WWOX: variants seen among roughly 807,000 people sequenced by gnomAD.
WWOX encodes WW domain containing oxidoreductase, also known as WW domain-containing oxidoreductase.
WWOX carries 69 observed loss-of-function variants against 46.2 expected under a neutral mutation model. The observed-to-expected ratio is 1.49, with a 90% CI of 1.23 to 1.82. The LOEUF (loss-of-function observed/expected upper bound fraction) is 1.82. Ranked by LOEUF, WWOX falls within the 40% of genes most tolerant of loss-of-function variation. The pLI is 0.00. For missense variants in WWOX, 919 were observed against 542.6 expected, an observed-to-expected ratio of 1.69 and a Z score of -6.89; for synonymous variants, 359 against 202.6, an observed-to-expected ratio of 1.77 and a Z score of -6.56.
chr16:78,928,258 A>G (rs1432438392), intron 8 of WWOX, among the ~76,000 whole-genome samples: 2 of 143,180 alleles, frequency 1.4e-5, no homozygotes, highest in Non-Finnish European at 3.0e-5. Flanking sequence ...GCTGGAGTGC[A>G]GTGGCGCGAT....
chr16:78,217,927 C>G (rs931680454), intron 5 of WWOX, among the ~76,000 whole-genome samples: 10 of 152,204 alleles, frequency 6.6e-5, no homozygotes, highest in Admixed American at 6.5e-4. Flanking sequence ...AGTTTGGACA[C>G]TCATATGCTG....
At chr16:78,099,946 A>G (rs1286994623) in intron 1 of WWOX, 61 bp downstream of exon 1, 12 of 1,532,844 alleles carry the variant, frequency 7.8e-6, no homozygotes, top group Middle Eastern at 4.2e-4. Flanking sequence ...CACGGACGCC[A>G]CCTGCGCGGG....
Position 78,858,654 on chromosome 16 carries a change from C to T in WWOX, c.1057-352954C>T, listed in dbSNP as rs376102617. On this transcript the variant is annotated intron_variant, in intron 8 of 8. Transcript: ENST00000566780. ...TTTTCTTTCTTTTTTCTTTACCTGT[C>T]ATGTTTGAATTGTGTTCCATCAACA... Among the ~76,000 whole-genome samples, 4 of 151,962 alleles carry T rather than the reference C, an allele frequency of 2.6e-5. No homozygotes were observed. In the South Asian group the frequency reaches 8.3e-4, roughly 32 times the overall value.
chr16:78,836,269 A>T (rs758494728), intron 8 of WWOX, among the ~76,000 whole-genome samples: 1 of 151,900 alleles, frequency 6.6e-6, no homozygotes, highest in African/African-American at 2.4e-5. Context: ...GGCAAGTTGT[A>T]CTGCTGTGGC....
chr16:78,550,334 A>G (rs150526973), intron 8 of WWOX, among the ~76,000 whole-genome samples: 40 of 152,322 alleles, frequency 2.6e-4, no homozygotes, highest in Admixed American at 1.2e-3. Context: ...GTGGCCTACA[A>G]GGTACCTATC....
intron 8 of WWOX, among the ~76,000 whole-genome samples, chr16:78,730,984 G>A (rs1005217750): frequency 1.3e-5 from 2 of 152,076 alleles, no homozygotes; most frequent in Admixed American, 6.6e-5. Context: ...TCAACTTACA[G>A]TATCAAATCA....
chr16:78,586,651 T>C (rs1314922391), intron 8 of WWOX, among the ~76,000 whole-genome samples: 3 of 152,232 alleles, frequency 2.0e-5, no homozygotes, highest in Non-Finnish European at 2.9e-5. Flanking sequence ...AATGAGCATT[T>C]ATTAAGTGCC....
intron 8 of WWOX, among the ~76,000 whole-genome samples, chr16:78,516,175 C>T (rs1383004486): frequency 6.6e-6 from 1 of 152,160 alleles, no homozygotes; most frequent in East Asian, 1.9e-4. Flanking sequence ...TGCCCAAGAC[C>T]ACAGCTGACA....
At chr16:78,435,228 G>C (rs1388370450) in intron 8 of WWOX, among the ~76,000 whole-genome samples, 2 of 152,090 alleles carry the variant, frequency 1.3e-5, no homozygotes, top group Admixed American at 6.5e-5. Flanking sequence ...ATTGGACGAA[G>C]GTTGCAACTC....
rs147975566 is a variant in WWOX, at chr16:78,277,655, C to G, written c.517-109205C>G. On this transcript the variant is annotated intron_variant, in intron 5 of 8. Transcript: ENST00000566780. ...GTTCTCTGCAAAGACAGGCGCTGCT[C>G]TCTGGCAGGGACAGCGTGTAGGGTT... Among the ~76,000 whole-genome samples, 388 of 152,274 alleles carry G rather than the reference C, an allele frequency of 2.5e-3. 1 individual carries two copies. The highest frequency in any genetic ancestry group is 9.1e-3 in the African/African-American group (380 of 41,554).
Position 78,123,049 on chromosome 16 carries a change from T to A in WWOX, c.409+7895T>A, listed in dbSNP as rs554462507. Among the ~76,000 whole-genome samples, 228 of 152,264 alleles carry A rather than the reference T, an allele frequency of 1.5e-3. 3 individuals are homozygous for A. The highest frequency in any genetic ancestry group is 5.4e-3 in the African/African-American group (223 of 41,500). ...ATAGTTCTGTTCCTCTCAGTCCATC[T>A]TGCTTTCATTTTGGTTAAATAATGT... On this transcript the variant is annotated intron_variant, in intron 4 of 8. Transcript: ENST00000566780.
At chr16:78,311,381 A>C (rs1388999012) in intron 5 of WWOX, among the ~76,000 whole-genome samples, 1 of 152,204 alleles carries the variant, frequency 6.6e-6, no homozygotes, top group Non-Finnish European at 1.5e-5. Flanking sequence ...CAAGGTCCGG[A>C]ATGGAGGATT....
intron 8 of WWOX, among the ~76,000 whole-genome samples, chr16:78,591,357 C>G (rs1007548486): frequency 1.3e-5 from 2 of 152,166 alleles, no homozygotes; most frequent in Non-Finnish European, 2.9e-5. Context: ...TCTGGGACCA[C>G]CAGGATTGGG....
chr16:78,796,204 C>G lies in WWOX; in HGVS notation c.1056+363452C>G, dbSNP rs149111659. On this transcript the variant is annotated intron_variant, in intron 8 of 8. Coordinates refer to ENST00000566780, the MANE Select transcript of WWOX (RefSeq NM_016373.4). ...TAACTCCTAGAACTGTCGTTGATTGCTTGCTGAAGTAACAATTAGTATAGA... is the reference window on the plus strand; with the variant it reads ...TAACTCCTAGAACTGTCGTTGATTGGTTGCTGAAGTAACAATTAGTATAGA... Among the ~76,000 whole-genome samples the G allele has an allele frequency of 3.8e-3, 584 of 152,308 alleles. 3 individuals carry two copies. The highest frequency in any genetic ancestry group is 0.013 in the African/African-American group (554 of 41,580).
intron 5 of WWOX, among the ~76,000 whole-genome samples, chr16:78,261,788 C>CTAGAGATATATATATATATATATATA (rs1491587303): frequency 2.7e-5 from 2 of 73,746 alleles, no homozygotes; most frequent in African/African-American, 1.1e-4. Context: ...ATCTATCTAT[C>CTAGAGATATATATATATATATATATA]TATATATATA....
chr16:78,987,600 C>G (rs1490954101), intron 8 of WWOX, among the ~76,000 whole-genome samples: 1 of 152,116 alleles, frequency 6.6e-6, no homozygotes, highest in African/African-American at 2.4e-5. Context: ...TCTTCAAGGA[C>G]TTTCCTCTAT....
intron 4 of WWOX, among the ~76,000 whole-genome samples, chr16:78,120,457 C>A (rs1029855903): frequency 6.6e-6 from 1 of 151,954 alleles, no homozygotes; most frequent in Non-Finnish European, 1.5e-5. Flanking sequence ...GTAGTCCCAG[C>A]TACTCGGGAG....
At chr16:79,176,414 A>G (rs1030995061) in intron 8 of WWOX, among the ~76,000 whole-genome samples, 1 of 152,194 alleles carries the variant, frequency 6.6e-6, no homozygotes, top group Non-Finnish European at 1.5e-5. Context: ...TAGGATGTCA[A>G]ATATCCTCTA....
At chr16:78,490,976 G>A (rs1042453294) in intron 8 of WWOX, among the ~76,000 whole-genome samples, 1 of 152,148 alleles carries the variant, frequency 6.6e-6, no homozygotes, top group African/African-American at 2.4e-5. Context: ...CCCCTGAGCT[G>A]CCCCCGAGTG....
Sources: gnomAD v4.1 joint callset for allele counts (sites outside exome capture counted in the v4.1 genomes callset) on GRCh38, gnomAD v4.1.1 for gene constraint, MANE v1.5 for transcripts, NCBI Gene and HGNC (gene_info 2026-07-23, HGNC 2026-07-21) for gene names.